Variants in DLGAP4 observed in about 807,000 individuals in gnomAD.
DLGAP4 encodes the protein disks large-associated protein 4.
A neutral mutation model predicts 86.9 loss-of-function variants in DLGAP4; 18 were observed. The observed-to-expected ratio is 0.21, with a 90% CI of 0.14 to 0.31. The LOEUF is 0.31. DLGAP4 is among the 10% of genes least tolerant of loss of function. The pLI is 1.00. For missense variants in DLGAP4, 1,085 were observed against 1,362.6 expected, an observed-to-expected ratio of 0.80 and a Z score of 3.21; for synonymous variants, 548 against 574.3, an observed-to-expected ratio of 0.95 and a Z score of 0.65.
intron 2 of DLGAP4, among the ~76,000 whole-genome samples, chr20:36,387,532 C>T (rs969972608): frequency 1.3e-5 from 2 of 152,130 alleles, no homozygotes; most frequent in Admixed American, 6.6e-5. Context: ...CCTTCACTTG[C>T]TTTTATTTCT....
chr20:36,461,751 G>GTCCGGCCCC, intron 7 of DLGAP4: 1 of 618,848 alleles, frequency 1.6e-6, no homozygotes, highest in African/African-American at 3.1e-5. Flanking sequence ...CCGTCCGTCC[G>GTCCGGCCCC]CCCGCCCGCC....
At chr20:36,396,064 A>T (rs1408650734) in intron 2 of DLGAP4, among the ~76,000 whole-genome samples, 1 of 152,002 alleles carries the variant, frequency 6.6e-6, no homozygotes, top group African/African-American at 2.4e-5. Context: ...CAATCTTGGG[A>T]GGCCCATTGA....
intron 7 of DLGAP4, among the ~76,000 whole-genome samples, chr20:36,465,092 A>C (rs2034283371): frequency 6.6e-6 from 1 of 152,004 alleles, no homozygotes; most frequent in African/African-American, 2.4e-5. Flanking sequence ...ATAAATGTGA[A>C]CTTTCCCTTC....
At chr20:36,369,314 C>T (rs979843710) in intron 2 of DLGAP4, among the ~76,000 whole-genome samples, 6 of 152,074 alleles carry the variant, frequency 3.9e-5, no homozygotes, top group South Asian at 4.2e-4. Context: ...TAATGGCTGC[C>T]GGGCATGGTG....
At chr20:36,486,979 T>C (rs1156348976) in intron 7 of DLGAP4, among the ~76,000 whole-genome samples, 11 of 152,150 alleles carry the variant, frequency 7.2e-5, no homozygotes, top group Non-Finnish European at 1.5e-4. Context: ...TTTTAAAAAC[T>C]GTCAGGGTTC....
chr20:36,390,945 C>A (rs961858483), intron 2 of DLGAP4, among the ~76,000 whole-genome samples: 1 of 152,180 alleles, frequency 6.6e-6, no homozygotes, highest in Non-Finnish European at 1.5e-5. Context: ...GACCTTGATC[C>A]AAGACTCAAC....
At chr20:36,489,283 G>T (rs927881583) in intron 7 of DLGAP4, among the ~76,000 whole-genome samples, 5 of 152,176 alleles carry the variant, frequency 3.3e-5, no homozygotes, top group Admixed American at 3.3e-4. Flanking sequence ...TAGTAAGTAG[G>T]ATCAGCTGTA....
intron 2 of DLGAP4, among the ~76,000 whole-genome samples, chr20:36,410,980 T>C (rs2032481092): frequency 6.6e-6 from 1 of 151,904 alleles, no homozygotes; most frequent in African/African-American, 2.4e-5. Flanking sequence ...AAATTCTTTT[T>C]TGTTTTGTTT....
At chr20:36,442,802 C>T (rs1477098593) in intron 6 of DLGAP4, 25 bp downstream of exon 6, 8 of 1,614,042 alleles carry the variant, frequency 5.0e-6, no homozygotes, top group Non-Finnish European at 5.1e-6. Context: ...CCTTCTCTTC[C>T]ACCCCAATCC....
chr20:36,450,098 A>C (rs2033696307), intron 7 of DLGAP4, among the ~76,000 whole-genome samples: 1 of 152,234 alleles, frequency 6.6e-6, no homozygotes, highest in Admixed American at 6.5e-5. Flanking sequence ...TGGCAACACA[A>C]GTCATATGAC....
chr20:36,506,031 C>A (rs1361638169), intron 10 of DLGAP4, among the ~76,000 whole-genome samples: 1 of 152,160 alleles, frequency 6.6e-6, no homozygotes. Context: ...CAATATAAAA[C>A]TATTGCAATA....
rs144625609 is a variant in DLGAP4, at chr20:36,465,563, G to C, written c.1648+18626G>C. Among the ~76,000 whole-genome samples the C allele has an allele frequency of 5.7e-3, 866 of 152,272 alleles. 10 individuals are homozygous for C. Among genetic ancestry groups the C allele is most frequent in the African/African-American group, 0.018 (762 of 41,554 alleles). ...TCTGTTCCCATCTGTTCTGGGAGGA[G>C]GGTTTTCTTGACATTTCCCCAGTCT... On this transcript the variant is annotated intron_variant, in intron 7 of 12. Transcript: ENST00000339266.
At chr20:36,344,120 C>T (rs916077728) in intron 1 of DLGAP4, among the ~76,000 whole-genome samples, 18 of 152,142 alleles carry the variant, frequency 1.2e-4, no homozygotes, top group Non-Finnish European at 2.6e-4. Flanking sequence ...CTCTGGTCCT[C>T]ACTTCCCCCA....
chr20:36,432,867 T>A lies in DLGAP4; in HGVS notation c.999+151T>A. On this transcript the variant is annotated intron_variant, in intron 3 of 12. Coordinates refer to ENST00000339266, the MANE Select transcript of DLGAP4 (RefSeq NM_001365621.2). This position sits in a 1 kb window ranked among gnomAD's most constrained non-coding sequence, Gnocchi z 6.5. ...AAATGGGTGGCCTAGTGGTACCTGCTAATCAGGGAGTCCTTCCACTGGTCA... is the reference window on the plus strand; with the variant it reads ...AAATGGGTGGCCTAGTGGTACCTGCAAATCAGGGAGTCCTTCCACTGGTCA... 1.0e-6 allele frequency: 1 copy of A among 987,402 alleles called. No individual in the cohort carries two copies. The highest frequency in any genetic ancestry group is 1.5e-6 in the Non-Finnish European group (1 of 669,350). The allele number at this position is 987,402 out of a possible 1,614,324, so 61.2% of individuals were successfully genotyped here.
chr20:36,526,705 G>A (rs2037790871), intron 12 of DLGAP4, 108 bp from the exon 13 acceptor site: 3 of 1,017,748 alleles, frequency 2.9e-6, no homozygotes, highest in South Asian at 1.7e-5. Context: ...GCCCGATGCG[G>A]GGAGGCTGGG....
At chr20:36,457,724 C>T (rs1292459540) in intron 7 of DLGAP4, among the ~76,000 whole-genome samples, 1 of 150,970 alleles carries the variant, frequency 6.6e-6, no homozygotes, top group Non-Finnish European at 1.5e-5. Context: ...ACCGTGGTAG[C>T]CAGGATGGTC....
At chr20:36,445,566 C>T (rs1465585077) in intron 6 of DLGAP4, among the ~76,000 whole-genome samples, 4 of 152,208 alleles carry the variant, frequency 2.6e-5, no homozygotes, top group Non-Finnish European at 4.4e-5. Flanking sequence ...GGTGAACACC[C>T]ATCTAGTTGT....
At chr20:36,525,567 C>T (rs1955044279) in intron 11 of DLGAP4, 1 of 495,888 alleles carries the variant, frequency 2.0e-6, no homozygotes, top group Non-Finnish European at 3.7e-6. Context: ...TGTTTCTTCC[C>T]TGCAAAACGA....
Position 36,442,823 on chromosome 20 carries a change from G to A in DLGAP4, c.1407+46G>A, listed in dbSNP as rs772307100. On this transcript the variant is annotated intron_variant, in intron 6 of 12. Transcript: ENST00000339266. ...CTTCCACCCCAATCCCAGAGTGTAG[G>A]CCTGGGCCTTAGGCCTGCCCTCTGA... The A allele has an allele frequency of 1.1e-5, 18 of 1,612,312 alleles. No homozygotes were observed. The South Asian group carries it at 1.6e-4, about 15-fold the overall frequency.
Sources: allele counts gnomAD v4.1 joint callset (sites outside exome capture counted in the v4.1 genomes callset), GRCh38; gene constraint gnomAD v4.1.1; non-coding constraint Gnocchi (gnomAD v3.1); transcripts MANE v1.5; gene names NCBI Gene and HGNC (gene_info 2026-07-23, HGNC 2026-07-21).